BBS7: variants seen among roughly 807,000 people sequenced by gnomAD.
BBS7 encodes the protein BBSome complex member BBS7.
In BBS7, 50 loss-of-function variants were observed where a neutral mutation model predicts 90.3. The observed-to-expected ratio is 0.55, with a 90% confidence interval of 0.44 to 0.70. The LOEUF is 0.70. Among genes scored for constraint, BBS7 ranks in the 30% least tolerant of loss-of-function variants. The pLI, the probability that BBS7 is intolerant of heterozygous loss-of-function variation, is 0.00. For missense variants in BBS7, 729 were observed against 838.9 expected (o/e 0.87, Z 1.62); for synonymous variants, 235 against 287.4 (o/e 0.82, Z 1.85).
Position 121,825,634 on chromosome 4 carries a change from A to G in BBS7, c.*226T>C. The G allele has an allele frequency of 2.4e-6, 1 of 419,484 alleles. No individual in the cohort carries two copies. The highest frequency in any genetic ancestry group is 4.3e-5 in the South Asian group (1 of 23,376). 26.0% of individuals were successfully genotyped at this position (419,484 alleles called of 1,614,324 possible). A position where few individuals can be genotyped will look rare whatever the true frequency, so the allele number is the denominator to read the frequency against. On this transcript the variant is annotated 3_prime_UTR_variant, in exon 19 of 19. Transcript: ENST00000264499. ...CAAAAATTCATTAAAATCCTATTTA[A>G]ATCATTCTACTTGTGTTTTAAAAAT...
In BBS7 at chr4:121,847,177, T is replaced by C. The variant is rs186825661; in HGVS notation, c.1037+227A>G. On this transcript the variant is annotated intron_variant, in intron 10 of 18. Transcript: ENST00000264499. Reference sequence around the variant, plus strand: ...AAACACAACCCTTGACCTAAGAAAATGTCAATATAGAATAAGGCACACAAA... The same window carrying C: ...AAACACAACCCTTGACCTAAGAAAACGTCAATATAGAATAAGGCACACAAA... 6.0e-4 allele frequency among the ~76,000 whole-genome samples: 92 copies of C among 152,082 alleles called. No individual in the cohort carries two copies. The East Asian group carries it at 0.013, about 21-fold the overall frequency.
rs576817084 is a variant in BBS7 at position 121,864,161 on chromosome 4, T to C, written c.103-882A>G. ...TCATCCCAAAACAATCCCAGCCCCATTGGTGGAAAAACTGTCTTCCACGAA... is the reference window on the plus strand; with the variant it reads ...TCATCCCAAAACAATCCCAGCCCCACTGGTGGAAAAACTGTCTTCCACGAA... On this transcript the variant is annotated intron_variant, in intron 2 of 18. Coordinates refer to ENST00000264499, the MANE Select transcript of BBS7 (RefSeq NM_176824.3). Among the ~76,000 whole-genome samples the C allele has an allele frequency of 1.1e-4, 16 of 152,318 alleles. No individual in the cohort carries two copies. In the East Asian group the frequency reaches 2.7e-3, roughly 26 times the overall value.
intron 14 of BBS7, among the ~76,000 whole-genome samples, chr4:121,834,164 A>T (rs1317220696): frequency 6.6e-6 from 1 of 152,228 alleles, no homozygotes; most frequent in Admixed American, 6.5e-5. Flanking sequence ...AAGAAAATGC[A>T]GTTTATGAAA....
At chr4:121,867,577 C>G (rs1287322917) in intron 2 of BBS7, among the ~76,000 whole-genome samples, 2 of 152,104 alleles carry the variant, frequency 1.3e-5, no homozygotes, top group Non-Finnish European at 2.9e-5. Flanking sequence ...ATCATAGGAT[C>G]AACATTTCTT....
chr4:121,869,614 C>T (rs1332097375), intron 1 of BBS7, among the ~76,000 whole-genome samples: 1 of 152,192 alleles, frequency 6.6e-6, no homozygotes, highest in Non-Finnish European at 1.5e-5. Context: ...TGTCAGCTCA[C>T]TGCAGCCTCC....
chr4:121,849,186 C>T (rs1726177011), intron 8 of BBS7, among the ~76,000 whole-genome samples: 1 of 152,164 alleles, frequency 6.6e-6, no homozygotes, highest in Non-Finnish European at 1.5e-5. Context: ...ATATACTCAC[C>T]TAATGAGCAA....
rs911692634 is a variant in BBS7, at chr4:121,849,570, T to G, written c.850-642A>C. The stretch of plus-strand genomic sequence containing the variant: ...AAGGCTGGGCGCGGTGGCTCACACC[T>G]GTAATCCCAGCACTTTGGGAAGCCG... On this transcript the variant is annotated intron_variant, in intron 8 of 18. Transcript: ENST00000264499. 1.3e-4 allele frequency among the ~76,000 whole-genome samples: 18 copies of G among 142,306 alleles called. 1 individual carries two copies. The highest frequency in any genetic ancestry group is 4.3e-4 in the Admixed American group (6 of 14,020). 93.4% of individuals were successfully genotyped at this position (142,306 alleles called of 152,430 possible). A position where few individuals can be genotyped will look rare whatever the true frequency, so the allele number is the denominator to read the frequency against.
chr4:121,855,711 T>G (rs1726577001), intron 5 of BBS7, 150 bp from the exon 6 acceptor site: 1 of 711,248 alleles, frequency 1.4e-6, no homozygotes, highest in African/African-American at 1.8e-5. Context: ...CAACTTGCAT[T>G]TGTTAGCAAT....
intron 15 of BBS7, 35 bp from the exon 16 acceptor site, chr4:121,828,763 G>T: frequency 7.9e-7 from 1 of 1,259,654 alleles, no homozygotes; most frequent in Non-Finnish European, 1.1e-6. Flanking sequence ...AAGAATAGCT[G>T]TAGAAGGAAA....
Position 121,870,410 on chromosome 4 carries a change from C to A in BBS7, c.-97G>T. On this transcript the variant is annotated 5_prime_UTR_variant, in exon 1 of 19. Coordinates refer to ENST00000264499, the MANE Select transcript of BBS7 (RefSeq NM_176824.3). ...TCCGACCCAGTCAGAAGGCTGCCCG[C>A]GCCCCTCAAAAGCCAGCCCCAGCTA... 1 of 1,463,950 alleles carries A rather than the reference C, an allele frequency of 6.8e-7. No individual in the cohort carries two copies. The highest frequency in any genetic ancestry group is 9.5e-7 in the Non-Finnish European group (1 of 1,051,624). The allele number at this position is 1,463,950 out of a possible 1,614,324, so 90.7% of individuals were successfully genotyped here. A position where few individuals can be genotyped will look rare whatever the true frequency, so the allele number is the denominator to read the frequency against.
chr4:121,862,745 G>A (rs916113355), intron 3 of BBS7, among the ~76,000 whole-genome samples: 1 of 152,176 alleles, frequency 6.6e-6, no homozygotes. Context: ...TCAAGGAATT[G>A]AGAGCAGCCC....
At chr4:121,859,253 A>ATGTTAGTAAAC in intron 4 of BBS7, 75 bp from the exon 5 acceptor site, 2 of 1,263,884 alleles carry the variant, frequency 1.6e-6, no homozygotes, top group Non-Finnish European at 2.3e-6. Context: ...AAACAGAAAA[A>ATGTTAGTAAAC]TGTATACAGT....
At chr4:121,864,389 T>A (rs1415104333) in intron 2 of BBS7, among the ~76,000 whole-genome samples, 1 of 152,214 alleles carries the variant, frequency 6.6e-6, no homozygotes, top group Non-Finnish European at 1.5e-5. Flanking sequence ...GCAGATTGAA[T>A]GCAGTAAACA....
At chr4:121,854,880 T>A in intron 6 of BBS7, 60 bp from the exon 7 acceptor site, 1 of 1,466,662 alleles carries the variant, frequency 6.8e-7, no homozygotes, top group Non-Finnish European at 9.4e-7. Context: ...CTCTTTAAAA[T>A]TAAAATGTTG....
At chr4:121,826,767 A>C (rs532643967) in intron 18 of BBS7, among the ~76,000 whole-genome samples, 139 of 152,294 alleles carry the variant, frequency 9.1e-4, no homozygotes, top group African/African-American at 3.3e-3. Flanking sequence ...GCAGATCACG[A>C]AGTCAGGGGT....
intron 11 of BBS7, 68 bp from the exon 12 acceptor site, chr4:121,844,069 T>C (rs1725876422): frequency 3.1e-6 from 3 of 969,536 alleles, no homozygotes; most frequent in African/African-American, 1.6e-5. Flanking sequence ...AATTATGTTT[T>C]CTCTAAGAGT....
intron 15 of BBS7, among the ~76,000 whole-genome samples, chr4:121,832,732 G>C (rs983239412): frequency 6.6e-6 from 1 of 152,164 alleles, no homozygotes; most frequent in Non-Finnish European, 1.5e-5. Flanking sequence ...TGTGCATAAA[G>C]AAATTCAACT....
intron 14 of BBS7, 56 bp downstream of exon 14, chr4:121,835,088 G>A: frequency 1.9e-6 from 3 of 1,568,784 alleles, no homozygotes; most frequent in African/African-American, 1.4e-5. Context: ...ATAAAAAACA[G>A]GTCTATTTGA....
chr4:121,863,585 T>C (rs960019951), intron 2 of BBS7, among the ~76,000 whole-genome samples: 6 of 152,170 alleles, frequency 3.9e-5, no homozygotes, highest in Non-Finnish European at 8.8e-5. Flanking sequence ...CACATGCAGG[T>C]TGTTACGAAG....
Sources: gnomAD v4.1 joint callset for allele counts (sites outside exome capture counted in the v4.1 genomes callset) on GRCh38, gnomAD v4.1.1 for gene constraint, MANE v1.5 for transcripts, NCBI Gene and HGNC (gene_info 2026-07-23, HGNC 2026-07-21) for gene names.